The following SEC14L1 variants were observed in gnomAD, a reference collection of about 807,000 sequenced individuals.
SEC14L1 encodes the protein SEC14 like lipid binding 1.
A neutral mutation model predicts 85.3 loss-of-function variants in SEC14L1; 48 were observed. The ratio of observed to expected loss-of-function variants is 0.56; its 90% CI spans 0.45 to 0.72. The LOEUF is 0.72. Among genes scored for constraint, SEC14L1 ranks in the 30% least tolerant of loss-of-function variants. SEC14L1 has a pLI of 0.00. For synonymous variants in SEC14L1, 391 were observed against 355.5 expected (o/e 1.10, Z -1.12); for missense variants, 682 against 921.4 (o/e 0.74, Z 3.36).
chr17:77,123,414 C>CTTTTTTT (rs71280842), intron 3 of SEC14L1, among the ~76,000 whole-genome samples: 1 of 80,514 alleles, frequency 1.2e-5, no homozygotes, highest in Non-Finnish European at 2.2e-5. Context: ...CAGGCCCACT[C>CTTTTTTT]TTTTTTTTTT....
At chr17:77,142,219 C>CT (rs752340031) in intron 1 of SEC14L1, among the ~76,000 whole-genome samples, 3 of 152,164 alleles carry the variant, frequency 2.0e-5, no homozygotes, top group Non-Finnish European at 2.9e-5. Flanking sequence ...GACCTCTCCT[C>CT]TGAGAGGTAT....
At chr17:77,109,249 A>G (rs1378953580) in intron 3 of SEC14L1, among the ~76,000 whole-genome samples, 1 of 152,130 alleles carries the variant, frequency 6.6e-6, no homozygotes, top group African/African-American at 2.4e-5. Context: ...ACAACAAGAA[A>G]AAGATAACCA....
intron 3 of SEC14L1, among the ~76,000 whole-genome samples, chr17:77,146,215 C>T (rs1320059937): frequency 3.3e-5 from 5 of 152,076 alleles, no homozygotes; most frequent in Non-Finnish European, 5.9e-5. Flanking sequence ...CAGTGGGCAT[C>T]GCCAGGTAAA....
chr17:77,172,191 C>T (rs1214101322), intron 3 of SEC14L1, among the ~76,000 whole-genome samples: 1 of 151,956 alleles, frequency 6.6e-6, no homozygotes, highest in African/African-American at 2.4e-5. Flanking sequence ...AGGTGATAAG[C>T]TCAGGTTTGG....
chr17:77,187,737 A>ATTTT (rs34369532), intron 3 of SEC14L1, among the ~76,000 whole-genome samples: 2 of 135,138 alleles, frequency 1.5e-5, no homozygotes, highest in Admixed American at 7.5e-5. Flanking sequence ...GGCTACTGGA[A>ATTTT]TTTTTTTTTT....
rs564913855 is a variant in SEC14L1 at position 77,213,854 on chromosome 17, G to T, written c.2043-64G>T. ...GGTGGGCCACGAAGTCCAGCAGGCA[G>T]TGTGGGCCGGCGGGTGGTTGGCAGG... On this transcript the variant is annotated intron_variant, in intron 16 of 16. Transcript: ENST00000436233. The surrounding 1 kb of genome is among the most constrained non-coding windows in gnomAD (Gnocchi z 7.1). 9.4e-6 allele frequency: 15 copies of T among 1,591,002 alleles called. No homozygotes were observed. The Admixed American group carries it at 1.0e-4, about 11-fold the overall frequency.
At chr17:77,094,324 A>G (rs759471670) in intron 3 of SEC14L1, 1 of 151,318 alleles carries the variant, frequency 6.6e-6, no homozygotes, top group Non-Finnish European at 1.5e-5. Flanking sequence ...GGCACAAAGC[A>G]TTTTCAGCTG....
intron 8 of SEC14L1, chr17:77,199,094 C>A (rs1975977415): frequency 6.6e-6 from 1 of 151,446 alleles, no homozygotes; most frequent in Admixed American, 6.6e-5. Context: ...CACCCTCTGC[C>A]TCCAGGTTCA....
intron 3 of SEC14L1, among the ~76,000 whole-genome samples, chr17:77,122,571 T>C (rs1410693928): frequency 6.6e-6 from 1 of 152,250 alleles, no homozygotes; most frequent in Non-Finnish European, 1.5e-5. Flanking sequence ...CCTCCCAAAG[T>C]GTTGGGATTA....
upstream of SEC14L1, among the ~76,000 whole-genome samples, chr17:77,136,353 TTC>T (rs1183857449): frequency 1.6e-5 from 1 of 60,990 alleles, no homozygotes; most frequent in Non-Finnish European, 4.1e-5. Flanking sequence ...TCCTTTCTCT[TTC>T]TTTTTTCTTT....
Position 77,213,774 on chromosome 17 carries a change from A to C in SEC14L1, c.2043-144A>C, listed in dbSNP as rs751094867. ...AGCCGGTCCCCCTGGTGGGTTACTC[A>C]TGTCCATCCCCCGTTTGCAAGCACT... On this transcript the variant is annotated intron_variant, in intron 16 of 16. Coordinates refer to ENST00000436233, the MANE Select transcript of SEC14L1 (RefSeq NM_001143998.2). This position sits in a 1 kb window ranked among gnomAD's most constrained non-coding sequence, Gnocchi z 7.1. The C allele has an allele frequency of 2.7e-6, 3 of 1,110,462 alleles. No individual in the cohort carries two copies. Among genetic ancestry groups the C allele is most frequent in the Non-Finnish European group, 4.0e-6 (3 of 745,426 alleles). 68.8% of individuals were successfully genotyped at this position (1,110,462 alleles called of 1,614,324 possible).
At chr17:77,113,869 G>C (rs1242839181) in intron 3 of SEC14L1, among the ~76,000 whole-genome samples, 1 of 152,206 alleles carries the variant, frequency 6.6e-6, no homozygotes, top group Non-Finnish European at 1.5e-5. Context: ...ATTTAGATGA[G>C]AAGTGGACAC....
chr17:77,194,375 C>T (rs993573581), intron 6 of SEC14L1, among the ~76,000 whole-genome samples: 9 of 151,942 alleles, frequency 5.9e-5, no homozygotes, highest in South Asian at 2.1e-4. Context: ...GACAACATTG[C>T]GAAACCCCGT....
rs528474875 is a variant in SEC14L1 at position 77,214,587 on chromosome 17, T to C, written c.*564T>C. 1.0e-6 allele frequency: 1 copy of C among 987,940 alleles called. No individual in the cohort carries two copies. Among genetic ancestry groups the C allele is most frequent in the East Asian group, 1.1e-4 (1 of 8,844 alleles). 61.2% of individuals were successfully genotyped at this position (987,940 alleles called of 1,614,324 possible). A position where few individuals can be genotyped will look rare whatever the true frequency, so the allele number is the denominator to read the frequency against. On this transcript the variant is annotated 3_prime_UTR_variant, in exon 17 of 17. Transcript: ENST00000436233. ...CAGAGGTTGCCTGCGGAGTACCTTG[T>C]CCCAGGGCCAGACACACCCACACCA...
chr17:77,207,686 A>G (rs921226283), intron 13 of SEC14L1, among the ~76,000 whole-genome samples: 4 of 152,180 alleles, frequency 2.6e-5, no homozygotes, highest in Admixed American at 2.6e-4. Flanking sequence ...TCCTGACCTC[A>G]AGTAATCCGC....
At chr17:77,204,909 G>A (rs1489000747) in intron 10 of SEC14L1, among the ~76,000 whole-genome samples, 1 of 152,130 alleles carries the variant, frequency 6.6e-6, no homozygotes, top group Non-Finnish European at 1.5e-5. Context: ...TTTTCTCTTG[G>A]CGGGCACATG....
chr17:77,138,691 G>A (rs1343677251), upstream of SEC14L1, among the ~76,000 whole-genome samples: 6 of 152,188 alleles, frequency 3.9e-5, no homozygotes, highest in Admixed American at 3.9e-4. Context: ...CAGGCGTGGT[G>A]GCACATGCCT....
At chr17:77,204,850 A>G (rs913887152) in intron 10 of SEC14L1, among the ~76,000 whole-genome samples, 6 of 152,148 alleles carry the variant, frequency 3.9e-5, no homozygotes, top group African/African-American at 1.4e-4. Context: ...TTATTAACCT[A>G]AAGCAAAGGA....
Position 77,143,423 on chromosome 17 carries a change from A to T in SEC14L1, c.-30-144A>T, listed in dbSNP as rs62078293. 4 of 553,506 alleles carry T rather than the reference A, an allele frequency of 7.2e-6. No individual in the cohort carries two copies. The Admixed American group carries it at 1.5e-4, about 20-fold the overall frequency. 34.3% of individuals were successfully genotyped at this position (553,506 alleles called of 1,614,324 possible). On this transcript the variant is annotated intron_variant, in intron 2 of 16. Transcript: ENST00000436233. ...CCCTGCCCTCATGTATTTAAATATC[A>T]TCTTTTCATTTTTGTGTGCATAGAA...
Sources: allele counts gnomAD v4.1 joint callset (sites outside exome capture counted in the v4.1 genomes callset), GRCh38; gene constraint gnomAD v4.1.1; non-coding constraint Gnocchi (gnomAD v3.1); transcripts MANE v1.5; gene names NCBI Gene and HGNC (gene_info 2026-07-23, HGNC 2026-07-21).